The following GAB4 variants were observed in gnomAD, a reference collection of about 807,000 sequenced individuals.
The protein encoded by GAB4 is GRB2 associated binding protein family member 4.
In GAB4, 26 loss-of-function variants were observed where a neutral mutation model predicts 51.3. The observed-to-expected ratio is 0.51, with a 90% CI of 0.37 to 0.70. The LOEUF is 0.70. GAB4 is among the 30% of genes least tolerant of loss of function. GAB4 has a pLI of 0.00. For synonymous variants in GAB4, 329 were observed against 291.2 expected (o/e 1.13, Z -1.32); for missense variants, 759 against 734.6 (o/e 1.03, Z -0.38).
intron 1 of GAB4, among the ~76,000 whole-genome samples, chr22:16,998,109 G>C (rs936798098): frequency 1.3e-5 from 2 of 152,188 alleles, no homozygotes; most frequent in African/African-American, 4.8e-5. Context: ...TTTTGGCTTA[G>C]GATTGTCTTA....
Position 16,980,289 on chromosome 22 carries a change from A to G in GAB4, c.686+7671T>C, listed in dbSNP as rs540519156. Reference sequence around the variant, plus strand: ...GACAAAGGGCTAATATCCAGAATCTACAAGGAACTTAAAACAAATTTACAA... The same window carrying G: ...GACAAAGGGCTAATATCCAGAATCTGCAAGGAACTTAAAACAAATTTACAA... On this transcript the variant is annotated intron_variant, in intron 3 of 9. Transcript: ENST00000400588. Among the ~76,000 whole-genome samples, 50 of 152,372 alleles carry G rather than the reference A, an allele frequency of 3.3e-4. 1 individual carries two copies. In the South Asian group the frequency reaches 0.01, roughly 32 times the overall value.
chr22:16,964,875 G>A lies in GAB4; in HGVS notation c.1380-13C>T. ...GTCAAAGGTGTGGCTGTCATGGGAA[G>A]AAGGCAAGGAGTACATCCTGGGTGG... On this transcript the variant is annotated splice_polypyrimidine_tract_variant and intron_variant, in intron 7 of 9. Transcript: ENST00000400588. 1 of 1,605,396 alleles carries A rather than the reference G, an allele frequency of 6.2e-7. No homozygotes were observed. Among genetic ancestry groups the A allele is most frequent in the African/African-American group, 1.3e-5 (1 of 74,762 alleles).
At chr22:16,967,516 C>G (rs1490978572) in intron 5 of GAB4, 6 of 152,338 alleles carry the variant, frequency 3.9e-5, no homozygotes, top group Admixed American at 3.9e-4. Flanking sequence ...GTGCACTTCC[C>G]CAGACAAGGA....
chr22:16,983,963 A>G (rs1011033792), intron 3 of GAB4, among the ~76,000 whole-genome samples: 3 of 152,222 alleles, frequency 2.0e-5, no homozygotes, highest in African/African-American at 7.2e-5. Context: ...GGATTATATC[A>G]AGCTAAAAAG....
chr22:16,991,135 A>G (rs1413725103), intron 2 of GAB4, among the ~76,000 whole-genome samples: 3 of 152,142 alleles, frequency 2.0e-5, no homozygotes, highest in Non-Finnish European at 2.9e-5. Context: ...CTCCCAAAAA[A>G]AGTGGGAAAG....
chr22:16,998,490 G>T (rs949495474), intron 1 of GAB4, among the ~76,000 whole-genome samples: 1 of 152,200 alleles, frequency 6.6e-6, no homozygotes, highest in Non-Finnish European at 1.5e-5. Context: ...TTTGCACATT[G>T]ATTTTGTATC....
rs2060717470 is a variant in GAB4 at position 16,970,095 on chromosome 22, C to G, written c.785G>C (p.Gly262Ala). The G allele has an allele frequency of 6.2e-7, 1 of 1,614,150 alleles. No individual in the cohort carries two copies. The highest frequency in any genetic ancestry group is 1.7e-5 in the Admixed American group (1 of 60,026). Reference sequence around the variant, plus strand: ...GAAGCCATGGATGTGACCGCTGACCCCATCAACACTGTATCCACTGTGCTG... The same window carrying G: ...GAAGCCATGGATGTGACCGCTGACCGCATCAACACTGTATCCACTGTGCTG... The part of the protein sequence containing the change: ...LAQHSGYSVD[G>A]VSGHIHGFHS... The change falls in exon 4 of 10, where the codon GGG (glycine) becomes GCG (alanine). Residue 262 changes from glycine (G) to alanine (A), a missense_variant. Coordinates refer to ENST00000400588, the MANE Select transcript of GAB4 (RefSeq NM_001037814.1).
In GAB4 at chr22:16,964,814, G is replaced by A. The variant is rs2060658402; in HGVS notation, c.1428C>T (p.Ser476=). 6.2e-7 allele frequency: 1 copy of A among 1,614,064 alleles called. No homozygotes were observed. Among genetic ancestry groups the A allele is most frequent in the Non-Finnish European group, 8.5e-7 (1 of 1,179,960 alleles). The change falls in exon 8 of 10, where the codon AGC becomes AGT. Residue 476 remains serine (S), a synonymous_variant. Coordinates refer to ENST00000400588, the MANE Select transcript of GAB4 (RefSeq NM_001037814.1). The stretch of plus-strand genomic sequence containing the variant: ...TGTCTTCTGAGTCTGTGTTGGTGAT[G>A]CTCTGCGTGGAGATGGGGTGTTGGG... ...SSSQHPISTQ[S]ITNTDSEDSG...
At chr22:17,007,109 A>T (rs145270242) in intron 1 of GAB4, among the ~76,000 whole-genome samples, 1 of 152,326 alleles carries the variant, frequency 6.6e-6, no homozygotes, top group Admixed American at 6.5e-5. Flanking sequence ...GGATCAGCTT[A>T]TTCTGGAATA....
At chr22:16,966,684 G>C in intron 5 of GAB4, 1 of 310,130 alleles carries the variant, frequency 3.2e-6, no homozygotes, top group Non-Finnish European at 6.0e-6. Flanking sequence ...TAAGAGGAGA[G>C]AGGGTGGCAA....
At chr22:16,994,600 TA>T (rs2060937128) in intron 1 of GAB4, among the ~76,000 whole-genome samples, 1 of 152,246 alleles carries the variant, frequency 6.6e-6, no homozygotes, top group Non-Finnish European at 1.5e-5. Flanking sequence ...TATGCAGCCG[TA>T]TTTCCATATA....
chr22:16,968,345 C>T lies in GAB4; in HGVS notation c.976G>A (p.Ala326Thr). ...GKYTQHGGGN[A>T]SRPAESMHEG... is the part of the protein sequence containing the mutation. ...TGCATGGACTCAGCAGGCCGGCTGG[C>T]ATTCCCTCCACCATGCTGGGTGTAC... Residue 326 changes from alanine to threonine, a missense_variant, in exon 5 of 10, where the codon GCC becomes ACC. Around this residue, in one of 3 missense-constraint regions of GAB4, gnomAD observed 588 missense variants for 510.2 expected, o/e 1.15. Transcript: ENST00000400588. 1 of 1,614,098 alleles carries T rather than the reference C, an allele frequency of 6.2e-7. No homozygotes were observed. The highest frequency in any genetic ancestry group is 1.1e-5 in the South Asian group (1 of 91,080).
rs757272657 is a variant in GAB4 at position 16,970,007 on chromosome 22, G to C, written c.873C>G (p.Pro291=). The change falls in exon 4 of 10, where the codon CCC becomes CCG. Residue 291 remains proline, a synonymous_variant. Coordinates refer to ENST00000400588, the MANE Select transcript of GAB4 (RefSeq NM_001037814.1). ...TGTGGCCATGGGAGGCCAGGCTCCA[G>C]GGGATTCTGTGGGTGCTGCCTCTGA... The part of the protein sequence containing the change: ...AEFRGSTHRI[P]WSLASHGHTR... 3.7e-6 allele frequency: 6 copies of C among 1,614,084 alleles called. No homozygotes were observed. The African/African-American group carries it at 8.0e-5, about 22-fold the overall frequency.
intron 3 of GAB4, among the ~76,000 whole-genome samples, chr22:16,987,518 C>T (rs1446245443): frequency 6.6e-6 from 1 of 152,212 alleles, no homozygotes. Flanking sequence ...TTTTAATTAG[C>T]TTAAATTTAA....
At chr22:16,978,315 A>G (rs2060797453) in intron 3 of GAB4, among the ~76,000 whole-genome samples, 1 of 152,194 alleles carries the variant, frequency 6.6e-6, no homozygotes, top group Non-Finnish European at 1.5e-5. Flanking sequence ...AGAGAGAAGA[A>G]TCAAATAGAC....
intron 1 of GAB4, among the ~76,000 whole-genome samples, chr22:17,000,888 T>C (rs1432655242): frequency 6.6e-6 from 1 of 152,226 alleles, no homozygotes; most frequent in Non-Finnish European, 1.5e-5. Flanking sequence ...TATTTCTCCT[T>C]CACTTATGAA....
intron 2 of GAB4, among the ~76,000 whole-genome samples, chr22:16,990,709 G>T (rs773647838): frequency 6.6e-6 from 1 of 152,178 alleles, no homozygotes; most frequent in Non-Finnish European, 1.5e-5. Context: ...TCAGCACCAA[G>T]CCATGGCTAT....
chr22:16,999,605 T>G (rs187329347), intron 1 of GAB4, among the ~76,000 whole-genome samples: 2 of 152,222 alleles, frequency 1.3e-5, no homozygotes, highest in African/African-American at 4.8e-5. Flanking sequence ...CTGGATTAAT[T>G]GATTTTTTGA....
chr22:16,990,308 T>C (rs1489214951), intron 2 of GAB4, among the ~76,000 whole-genome samples: 1 of 152,194 alleles, frequency 6.6e-6, no homozygotes, highest in African/African-American at 2.4e-5. Context: ...ACCCCATACA[T>C]TCAGCTCAAA....
Sources: allele counts gnomAD v4.1 joint callset (sites outside exome capture counted in the v4.1 genomes callset), GRCh38; gene constraint gnomAD v4.1.1; regional missense constraint gnomAD v4.1.1; transcripts MANE v1.5; gene names NCBI Gene and HGNC (gene_info 2026-07-23, HGNC 2026-07-21).